URI1: variants seen among roughly 807,000 people sequenced by gnomAD.
URI1 encodes the protein unconventional prefoldin RPB5 interactor 1.
Under a neutral mutation model 60.2 loss-of-function variants are expected in URI1, and 39 were observed. The ratio of observed to expected loss-of-function variants is 0.65; its 90% CI spans 0.50 to 0.85. The LOEUF (loss-of-function observed/expected upper bound fraction) is 0.85, where lower values mean the gene tolerates loss of function less well. Ranked by LOEUF, URI1 falls within the 40% of genes least tolerant of loss-of-function variation. URI1 has a pLI of 0.00. For synonymous variants in URI1, 251 were observed against 236.8 expected (o/e 1.06, Z -0.55); for missense variants, 691 against 665.9 (o/e 1.04, Z -0.42).
At position 29,942,692 on chromosome 19, in the gene URI1, C is replaced by T. The variant is rs781301927; in HGVS notation, c.117+28C>T. ...AACTAGCAGCCCCGCGCCGCTTCCG[C>T]CTCCGCCCGCCGGGCTGCCCCTGCC... On this transcript the variant is annotated intron_variant, in intron 1 of 10. Coordinates refer to ENST00000392271, the MANE Select transcript of URI1 (RefSeq NM_003796.3). The T allele has an allele frequency of 3.7e-6, 5 of 1,363,808 alleles. No homozygotes were observed. In the South Asian group the frequency reaches 9.0e-5, roughly 25 times the overall value. The allele number at this position is 1,363,808 out of a possible 1,614,324, so 84.5% of individuals were successfully genotyped here.
intron 1 of URI1, among the ~76,000 whole-genome samples, chr19:29,928,236 A>G (rs2054887275): frequency 6.6e-6 from 1 of 152,130 alleles, no homozygotes; most frequent in South Asian, 2.1e-4. Flanking sequence ...CTGGTTTGCT[A>G]GCAGCAAGAA....
chr19:29,952,092 A>G (rs2055187616), intron 1 of URI1, among the ~76,000 whole-genome samples: 1 of 152,238 alleles, frequency 6.6e-6, no homozygotes, highest in Non-Finnish European at 1.5e-5. Context: ...AAAAGCAGTC[A>G]TCACCATTTA....
intron 1 of URI1, among the ~76,000 whole-genome samples, chr19:29,954,777 C>T (rs1024687621): frequency 6.6e-6 from 1 of 152,086 alleles, no homozygotes; most frequent in African/African-American, 2.4e-5. Flanking sequence ...CTCAGCCTCC[C>T]AAAGTGCTAG....
At chr19:29,992,233 C>T (rs752470039) in intron 4 of URI1, among the ~76,000 whole-genome samples, 9 of 152,130 alleles carry the variant, frequency 5.9e-5, no homozygotes, top group Non-Finnish European at 1.0e-4. Context: ...CCATGCCCAG[C>T]TAATCTTTGT....
Position 30,015,759 on chromosome 19 carries a change from A to AT in URI1, c.*691dup, listed in dbSNP as rs1261542218. On this transcript the variant is annotated 3_prime_UTR_variant, in exon 11 of 11. Coordinates refer to ENST00000392271, the MANE Select transcript of URI1 (RefSeq NM_003796.3). ...TTGAGTACAGATATGTCCTTGATTC[A>AT]TATGTATGCTACATGTATCACACAA... 1.7e-6 allele frequency: 1 copy of AT among 604,378 alleles called. No homozygotes were observed. Among genetic ancestry groups the AT allele is most frequent in the Non-Finnish European group, 2.9e-6 (1 of 349,928 alleles). The allele number at this position is 604,378 out of a possible 1,614,324, so 37.4% of individuals were successfully genotyped here.
At position 29,979,424 on chromosome 19, in the gene URI1, T is replaced by C. The variant is rs183131308; in HGVS notation, c.153-5799T>C. 6.6e-5 allele frequency among the ~76,000 whole-genome samples: 10 copies of C among 152,276 alleles called. No individual in the cohort carries two copies. The East Asian group carries it at 1.9e-3, about 29-fold the overall frequency. Reference sequence around the variant, plus strand: ...CATCTCATTTTCTTAGAGCAAAAGATTAGTAATGAGTGAAGAAACAGGCAC... The same window carrying C: ...CATCTCATTTTCTTAGAGCAAAAGACTAGTAATGAGTGAAGAAACAGGCAC... On this transcript the variant is annotated intron_variant, in intron 2 of 10. Transcript: ENST00000392271.
At chr19:30,006,737 C>G (rs2145435053) in intron 6 of URI1, among the ~76,000 whole-genome samples, 1 of 152,192 alleles carries the variant, frequency 6.6e-6, no homozygotes, top group South Asian at 2.1e-4. Context: ...TAGACTTCTT[C>G]CCATTACTTT....
chr19:29,983,831 C>T (rs1367382634), intron 2 of URI1, among the ~76,000 whole-genome samples: 5 of 152,148 alleles, frequency 3.3e-5, no homozygotes, highest in African/African-American at 1.2e-4. Context: ...TCATCTCTGC[C>T]CCTACAGAGT....
chr19:29,954,857 CTG>C (rs1277330797), intron 1 of URI1, among the ~76,000 whole-genome samples: 1 of 152,000 alleles, frequency 6.6e-6, no homozygotes, highest in African/African-American at 2.4e-5. Context: ...TGTCCTTCCT[CTG>C]TTTCTTCTTC....
chr19:29,998,972 TA>T (rs2055845848), intron 4 of URI1, among the ~76,000 whole-genome samples: 1 of 152,100 alleles, frequency 6.6e-6, no homozygotes, highest in Admixed American at 6.5e-5. Context: ...AAAATATAGG[TA>T]TTTTCTTTGT....
At chr19:29,998,871 T>A (rs971876691) in intron 4 of URI1, among the ~76,000 whole-genome samples, 1 of 151,818 alleles carries the variant, frequency 6.6e-6, no homozygotes, top group African/African-American at 2.4e-5. Context: ...GTTTTATAGC[T>A]TTTTTTTGAC....
chr19:29,944,167 A>G (rs1442578397), intron 1 of URI1, among the ~76,000 whole-genome samples: 1 of 73,848 alleles, frequency 1.4e-5, no homozygotes, highest in Non-Finnish European at 2.4e-5. Context: ...ATATATATAT[A>G]TATATATATA....
intron 4 of URI1, among the ~76,000 whole-genome samples, chr19:29,988,651 A>G (rs2055704281): frequency 6.6e-6 from 1 of 152,246 alleles, no homozygotes; most frequent in South Asian, 2.1e-4. Context: ...ATGCATATCT[A>G]TTAAATGCAC....
Position 29,982,679 on chromosome 19 carries a change from C to T in URI1, c.153-2544C>T, listed in dbSNP as rs144375824. 2.7e-3 allele frequency among the ~76,000 whole-genome samples: 414 copies of T among 152,274 alleles called. 2 individuals carry two copies. The highest frequency in any genetic ancestry group is 4.6e-3 in the Non-Finnish European group (312 of 68,024). On this transcript the variant is annotated intron_variant, in intron 2 of 10. Coordinates refer to ENST00000392271, the MANE Select transcript of URI1 (RefSeq NM_003796.3). ...CACACCAGTCCTGTTTCCAAAGCCC[C>T]TGAATGGTTACATTCAGCTGTACTG...
At chr19:29,990,512 A>C (rs1429685843) in intron 4 of URI1, among the ~76,000 whole-genome samples, 1 of 152,254 alleles carries the variant, frequency 6.6e-6, no homozygotes, top group Non-Finnish European at 1.5e-5. Context: ...CTATCAACTA[A>C]TAACAGGTGA....
At chr19:29,987,520 T>C (rs913239729) in intron 4 of URI1, among the ~76,000 whole-genome samples, 2 of 152,214 alleles carry the variant, frequency 1.3e-5, no homozygotes, top group African/African-American at 4.8e-5. Flanking sequence ...ATTTTTGTCA[T>C]GTATATTAGC....
At chr19:29,997,822 T>G (rs974019364) in intron 4 of URI1, among the ~76,000 whole-genome samples, 2 of 152,176 alleles carry the variant, frequency 1.3e-5, no homozygotes, top group African/African-American at 4.8e-5. Flanking sequence ...TGGAGTGCAG[T>G]GGTGCAATAT....
rs1225459629 is a variant in URI1 at position 29,994,633 on chromosome 19, TTGTGAATAA to T, written c.367+8224_367+8232del. 2.6e-5 allele frequency among the ~76,000 whole-genome samples: 4 copies of T among 152,314 alleles called. No individual in the cohort carries two copies. In the East Asian group the frequency reaches 7.7e-4, roughly 29 times the overall value. On this transcript the variant is annotated intron_variant, in intron 4 of 10. Transcript: ENST00000392271. The stretch of plus-strand genomic sequence containing the variant: ...TTTTAAGGATGAACAATATTTTATT[TTGTGAATAA>T]TGTGAATTATTCTGTTCGCTATTGT...
intron 4 of URI1, among the ~76,000 whole-genome samples, chr19:30,001,715 G>A (rs752282387): frequency 1.3e-5 from 2 of 151,956 alleles, no homozygotes; most frequent in African/African-American, 4.8e-5. Context: ...CCCAGCCACA[G>A]TTAGGTTCCA....
Sources: gnomAD v4.1 joint callset for allele counts (sites outside exome capture counted in the v4.1 genomes callset) on GRCh38, gnomAD v4.1.1 for gene constraint, MANE v1.5 for transcripts, NCBI Gene and HGNC (gene_info 2026-07-23, HGNC 2026-07-21) for gene names.